The following MC4R variants were observed in gnomAD, a reference collection of about 807,000 sequenced individuals.
MC4R encodes the protein melanocortin 4 receptor.
MC4R carries 15 observed loss-of-function variants against 16.1 expected under a neutral mutation model. That is an observed-to-expected ratio of 0.93 (90% CI 0.62 to 1.44). The LOEUF is 1.44. Among genes scored for constraint, MC4R ranks in the 40% most tolerant of loss-of-function variants. The probability of loss-of-function intolerance (pLI) is 0.00; values close to 1 mark genes in which losing one functional copy is unlikely to be tolerated. For missense variants in MC4R, 416 were observed against 411.4 expected (o/e 1.01, Z -0.10); for synonymous variants, 162 against 151.7 (o/e 1.07, Z -0.50).
At position 60,372,596 on chromosome 18, in the gene MC4R, T is replaced by A; in HGVS notation, c.-247A>T. 3 of 564,368 alleles carry A rather than the reference T, an allele frequency of 5.3e-6. No homozygotes were observed. The South Asian group carries it at 6.2e-5, about 12-fold the overall frequency. 35.0% of individuals were successfully genotyped at this position (564,368 alleles called of 1,614,324 possible). ...AAATATTCATTCTCAGTTGAAAGAG[T>A]CTGCTCTTTGCTTTCTTGTTCTCAC... On this transcript the variant is annotated 5_prime_UTR_variant, in exon 1 of 1. Transcript: ENST00000299766.
chr18:60,371,583 A>T lies in MC4R; in HGVS notation c.767T>A (p.Val256Asp). The change falls in exon 1 of 1, where the codon GTC becomes GAC. Residue 256 changes from valine (V) to aspartate (D), a missense_variant. By Grantham distance (152) the Val-to-Asp change is radical. Coordinates refer to ENST00000299766, the MANE Select transcript of MC4R (RefSeq NM_005912.3). ...TLTILIGVFV[V>D]CWAPFFLHLI... The stretch of plus-strand genomic sequence containing the variant: ...GTGGAGGAAGAATGGGGCCCAGCAG[A>T]CAACAAAGACGCCAATCAGGATGGT... The T allele has an allele frequency of 6.2e-7, 1 of 1,614,236 alleles. No individual in the cohort carries two copies. Among genetic ancestry groups the T allele is most frequent in the South Asian group, 1.1e-5 (1 of 91,084 alleles).
In MC4R at chr18:60,371,546, G is replaced by A. The variant is rs1915338881; in HGVS notation, c.804C>T (p.Tyr268=). 6.2e-7 allele frequency: 1 copy of A among 1,614,058 alleles called. No individual in the cohort carries two copies. Among genetic ancestry groups the A allele is most frequent in the Admixed American group, 1.7e-5 (1 of 60,014 alleles). ...AATATGGATTCTGAGGACAAGAGAT[G>A]TAGAATATTAAGTGGAGGAAGAATG... ...WAPFFLHLIF[Y]ISCPQNPYCV... Residue 268 remains tyrosine (Y), a synonymous_variant, in exon 1 of 1, where the codon TAC becomes TAT. Transcript: ENST00000299766.
chr18:60,371,599 T>G lies in MC4R; in HGVS notation c.751A>C (p.Ile251Leu), dbSNP rs52820871. ...MKGAITLTIL[I>L]GVFVVCWAPF... The stretch of plus-strand genomic sequence containing the variant: ...GCCCAGCAGACAACAAAGACGCCAA[T>G]CAGGATGGTCAAGGTAATCGCTCCC... The change falls in exon 1 of 1, where the codon ATT (isoleucine) becomes CTT (leucine). Residue 251 changes from isoleucine (I) to leucine (L), a missense_variant. Ile to Leu is a conservative substitution (Grantham distance 5, BLOSUM62 2). Transcript: ENST00000299766. 17,294 of 1,614,030 alleles carry G rather than the reference T, an allele frequency of 0.011. 123 individuals carry two copies. The highest frequency in any genetic ancestry group is 0.013 in the Non-Finnish European group (15,344 of 1,179,952).
Position 60,372,578 on chromosome 18 carries a change from C to T in MC4R, c.-229G>A, listed in dbSNP as rs1915374090. On this transcript the variant is annotated 5_prime_UTR_variant, in exon 1 of 1. The change abolishes an upstream ATG in the 5' untranslated region. Coordinates refer to ENST00000299766, the MANE Select transcript of MC4R (RefSeq NM_005912.3). The stretch of plus-strand genomic sequence containing the variant: ...TTAAAATCTTGGGCTTCAAAATATT[C>T]ATTCTCAGTTGAAAGAGTCTGCTCT... 1.7e-6 allele frequency: 1 copy of T among 591,268 alleles called. No homozygotes were observed. The highest frequency in any genetic ancestry group is 3.1e-6 in the Non-Finnish European group (1 of 323,602). 36.6% of individuals were successfully genotyped at this position (591,268 alleles called of 1,614,324 possible).
rs1004416559 is a variant in MC4R at position 60,371,249 on chromosome 18, C to T, written c.*102G>A. On this transcript the variant is annotated 3_prime_UTR_variant, in exon 1 of 1. Coordinates refer to ENST00000299766, the MANE Select transcript of MC4R (RefSeq NM_005912.3). ...CACAATGGATATTCTCAACCAGTAC[C>T]CTACACGGAAGAGAAAGCTGTTGCA... The T allele has an allele frequency of 6.6e-6, 8 of 1,206,498 alleles. No individual in the cohort carries two copies. Among genetic ancestry groups the T allele is most frequent in the African/African-American group, 6.0e-5 (4 of 66,992 alleles). 74.7% of individuals were successfully genotyped at this position (1,206,498 alleles called of 1,614,324 possible).
chr18:60,371,196 C>T lies in MC4R; in HGVS notation c.*155G>A. The T allele has an allele frequency of 1.3e-6, 1 of 796,572 alleles. No homozygotes were observed. Among genetic ancestry groups the T allele is most frequent in the Non-Finnish European group, 2.0e-6 (1 of 491,560 alleles). The allele number at this position is 796,572 out of a possible 1,614,324, so 49.3% of individuals were successfully genotyped here. A position where few individuals can be genotyped will look rare whatever the true frequency, so the allele number is the denominator to read the frequency against. On this transcript the variant is annotated 3_prime_UTR_variant, in exon 1 of 1. Transcript: ENST00000299766. ...ATAATACAGAGACTGGGCATTTTTT[C>T]TCATTAAAAATCATAGGCTTAAATT...
rs148256915 is a variant in MC4R, at chr18:60,372,326, C to T, written c.24G>A (p.Gly8=). ...TCCAGAGGTGCAGAGAAGTGTGCAT[C>T]CCACGGTGGGTGGAGTTCACCATGC... MVNSTHR[G]MHTSLHLWNR... Residue 8 remains glycine (G), a synonymous_variant, in exon 1 of 1, where the codon GGG becomes GGA. Coordinates refer to ENST00000299766, the MANE Select transcript of MC4R (RefSeq NM_005912.3). 1.2e-5 allele frequency: 20 copies of T among 1,614,052 alleles called. No individual in the cohort carries two copies. In the African/African-American group the frequency reaches 1.5e-4, roughly 12 times the overall value.
Position 60,371,477 on chromosome 18 carries a change from G to T in MC4R, c.873C>A (p.Ile291=). ...MSHFNLYLIL[I]MCNSIIDPLI... ...GAGGATCGATGATTGAATTACACAT[G>T]ATCAGTATGAGATACAAGTTAAAGT... Residue 291 remains isoleucine (I), a synonymous_variant, in exon 1 of 1, where the codon ATC becomes ATA. Coordinates refer to ENST00000299766, the MANE Select transcript of MC4R (RefSeq NM_005912.3). The T allele has an allele frequency of 6.2e-7, 1 of 1,614,104 alleles. No homozygotes were observed. The highest frequency in any genetic ancestry group is 1.1e-5 in the South Asian group (1 of 91,054).
chr18:60,372,110 G>T lies in MC4R; in HGVS notation c.240C>A (p.Tyr80Ter), dbSNP rs895704914. Reference sequence around the variant, plus strand: ...CCACAGCCAAGCTGCAGATGAAAAAGTACATGGGTGAATGCAGATTCTTGT... The same window carrying T: ...CCACAGCCAAGCTGCAGATGAAAAATTACATGGGTGAATGCAGATTCTTGT... Reference protein sequence around the residue: ...AKNKNLHSPMYFFICSLAVAD... With the variant: ...AKNKNLHSPM The change falls in exon 1 of 1, where the codon TAC becomes TAA. Residue 80 changes from tyrosine (Y) to a stop codon, truncating the protein, a stop_gained. Transcript: ENST00000299766. LOFTEE classifies it high-confidence loss of function. 1 of 1,614,224 alleles carries T rather than the reference G, an allele frequency of 6.2e-7. No homozygotes were observed. The highest frequency in any genetic ancestry group is 1.3e-5 in the African/African-American group (1 of 75,046).
At position 60,372,480 on chromosome 18, in the gene MC4R, G is replaced by T; in HGVS notation, c.-131C>A. On this transcript the variant is annotated 5_prime_UTR_variant, in exon 1 of 1. Coordinates refer to ENST00000299766, the MANE Select transcript of MC4R (RefSeq NM_005912.3). ...GCTAAAATTGCCATGCCTGCTGTGAGTAAATGTCACAAGTCCAGAGCTTGA... is the reference window on the plus strand; with the variant it reads ...GCTAAAATTGCCATGCCTGCTGTGATTAAATGTCACAAGTCCAGAGCTTGA... 1 of 924,564 alleles carries T rather than the reference G, an allele frequency of 1.1e-6. No homozygotes were observed. Among genetic ancestry groups the T allele is most frequent in the Non-Finnish European group, 1.7e-6 (1 of 578,060 alleles). The allele number at this position is 924,564 out of a possible 1,614,324, so 57.3% of individuals were successfully genotyped here.
Position 60,371,885 on chromosome 18 carries a change from G to C in MC4R, c.465C>G (p.Leu155=), listed in dbSNP as rs1915351404. The C allele has an allele frequency of 6.2e-7, 1 of 1,614,020 alleles. No individual in the cohort carries two copies. Among genetic ancestry groups the C allele is most frequent in the Non-Finnish European group, 8.5e-7 (1 of 1,180,030 alleles). The part of the protein sequence containing the change: ...VDRYFTIFYA[L]QYHNIMTVKR... ...TAACTGTCATAATGTTATGGTACTGGAGAGCATAGAAGATAGTAAAGTACC... is the reference window on the plus strand; with the variant it reads ...TAACTGTCATAATGTTATGGTACTGCAGAGCATAGAAGATAGTAAAGTACC... The change falls in exon 1 of 1, where the codon CTC becomes CTG. Residue 155 remains leucine, a synonymous_variant. Transcript: ENST00000299766.
In MC4R at chr18:60,371,106, A is replaced by T. The variant is rs747983533; in HGVS notation, c.*245T>A. The stretch of plus-strand genomic sequence containing the variant: ...TAAGGACTTTTCTTTTTGTAAATCC[A>T]CAGTGCCTACAACCTATAACATAGA... On this transcript the variant is annotated 3_prime_UTR_variant, in exon 1 of 1. Transcript: ENST00000299766. 2.0e-6 allele frequency: 1 copy of T among 492,282 alleles called. No homozygotes were observed. The highest frequency in any genetic ancestry group is 3.7e-6 in the Non-Finnish European group (1 of 271,646). The allele number at this position is 492,282 out of a possible 1,614,324, so 30.5% of individuals were successfully genotyped here.
Position 60,372,067 on chromosome 18 carries a change from C to T in MC4R, c.283G>A (p.Val95Ile), listed in dbSNP as rs13447328. ...ACAATGGTTTCTGATCCATTTGAAA[C>T]GCTCACCAGCATATCAGCCACAGCC... ...SLAVADMLVS[V>I]SNGSETIVIT... The change falls in exon 1 of 1, where the codon GTT becomes ATT. Residue 95 changes from valine (V) to isoleucine (I), a missense_variant. Val to Ile is a conservative substitution (Grantham distance 29, BLOSUM62 3). Transcript: ENST00000299766. The T allele has an allele frequency of 6.8e-5, 110 of 1,614,172 alleles. No individual in the cohort carries two copies. Among genetic ancestry groups the T allele is most frequent in the South Asian group, 1.2e-4 (11 of 91,078 alleles).
Position 60,371,863 on chromosome 18 carries a change from C to T in MC4R, c.487G>A (p.Val163Ile). 1 of 1,614,156 alleles carries T rather than the reference C, an allele frequency of 6.2e-7. No homozygotes were observed. The part of the protein sequence containing the change: ...YALQYHNIMT[V>I]KRVGIIISCI... ...CTTATGATGATCCCAACCCGCTTAACTGTCATAATGTTATGGTACTGGAGA... is the reference window on the plus strand; with the variant it reads ...CTTATGATGATCCCAACCCGCTTAATTGTCATAATGTTATGGTACTGGAGA... The change falls in exon 1 of 1, where the codon GTT becomes ATT. Residue 163 changes from valine to isoleucine, a missense_variant. Val to Ile is a conservative substitution (Grantham distance 29). Coordinates refer to ENST00000299766, the MANE Select transcript of MC4R (RefSeq NM_005912.3).
rs752031670 is a variant in MC4R, at chr18:60,371,752, T to C, written c.598A>G (p.Met200Val). The C allele has an allele frequency of 2.9e-5, 47 of 1,613,960 alleles. No individual in the cohort carries two copies. The Middle Eastern group carries it at 8.2e-4, about 28-fold the overall frequency. ...SSAVIICLIT[M>V]FFTMLALMAS... ...ATGAGAGCCAGCATGGTGAAGAACA[T>C]GGTGATGAGGCAGATGATGACAGCA... The change falls in exon 1 of 1, where the codon ATG becomes GTG. Residue 200 changes from methionine (M) to valine (V), a missense_variant. Met to Val is a conservative substitution (Grantham distance 21). Transcript: ENST00000299766.
In MC4R at chr18:60,372,733, C is replaced by T. The variant is rs1390012748; in HGVS notation, c.-384G>A. The T allele has an allele frequency of 1.7e-5, 5 of 286,540 alleles. No homozygotes were observed. Among genetic ancestry groups the T allele is most frequent in the Non-Finnish European group, 3.6e-5 (5 of 139,558 alleles). 17.7% of individuals were successfully genotyped at this position (286,540 alleles called of 1,614,324 possible). On this transcript the variant is annotated 5_prime_UTR_variant, in exon 1 of 1. Coordinates refer to ENST00000299766, the MANE Select transcript of MC4R (RefSeq NM_005912.3). ...GCGCACATGCTCACATCGGCTGCCT[C>T]TCGGAAGCTTCTGTTTCCAGCCTGA... is the stretch of plus-strand genomic sequence containing the variant.
chr18:60,371,501 G>A lies in MC4R; in HGVS notation c.849C>T (p.His283=), dbSNP rs746123709. The A allele has an allele frequency of 1.2e-6, 2 of 1,614,088 alleles. No homozygotes were observed. The highest frequency in any genetic ancestry group is 1.7e-6 in the Non-Finnish European group (2 of 1,180,034). The part of the protein sequence containing the change: ...QNPYCVCFMS[H]FNLYLILIMC... ...TGATCAGTATGAGATACAAGTTAAA[G>A]TGAGACATGAAGCACACACAATATG... is the stretch of plus-strand genomic sequence containing the variant. The change falls in exon 1 of 1, where the codon CAC becomes CAT. Residue 283 remains histidine (H), a synonymous_variant. Coordinates refer to ENST00000299766, the MANE Select transcript of MC4R (RefSeq NM_005912.3).
At position 60,372,599 on chromosome 18, in the gene MC4R, G is replaced by C; in HGVS notation, c.-250C>G. On this transcript the variant is annotated 5_prime_UTR_variant, in exon 1 of 1. Transcript: ENST00000299766. ...TATTCATTCTCAGTTGAAAGAGTCT[G>C]CTCTTTGCTTTCTTGTTCTCACTTC... 1.8e-6 allele frequency: 1 copy of C among 557,282 alleles called. No individual in the cohort carries two copies. The highest frequency in any genetic ancestry group is 3.2e-5 in the East Asian group (1 of 30,830). The allele number at this position is 557,282 out of a possible 1,614,324, so 34.5% of individuals were successfully genotyped here. A position where few individuals can be genotyped will look rare whatever the true frequency, so the allele number is the denominator to read the frequency against.
In MC4R at chr18:60,372,764, G is replaced by C; in HGVS notation, c.-415C>G. 3.7e-6 allele frequency: 1 copy of C among 269,738 alleles called. No homozygotes were observed. Among genetic ancestry groups the C allele is most frequent in the Admixed American group, 5.0e-5 (1 of 19,960 alleles). 16.7% of individuals were successfully genotyped at this position (269,738 alleles called of 1,614,324 possible). ...AGCTTCTGTTTCCAGCCTGAGCGTT[G>C]CTTTGAGTGTTAGGGGCTGTAGGCG... On this transcript the variant is annotated 5_prime_UTR_variant, in exon 1 of 1. Transcript: ENST00000299766.
Sources: gnomAD v4.1 joint callset for allele counts on GRCh38, gnomAD v4.1.1 for gene constraint, MANE v1.5 for transcripts, NCBI Gene and HGNC (gene_info 2026-07-23, HGNC 2026-07-21) for gene names.